Variants in ZNF219 observed in about 807,000 individuals in gnomAD.
ZNF219 encodes the protein zinc finger protein 219.
In ZNF219, 17 loss-of-function variants were observed where a neutral mutation model predicts 54.4. The observed-to-expected ratio is 0.31, with a 90% CI of 0.21 to 0.47. The LOEUF (loss-of-function observed/expected upper bound fraction) is 0.47. Among genes scored for constraint, ZNF219 ranks in the 20% least tolerant of loss-of-function variants. The pLI is 1.00. For synonymous variants in ZNF219, 518 were observed against 476.4 expected (o/e 1.09, Z -1.14); for missense variants, 1,014 against 1,062.3 (o/e 0.95, Z 0.63).
rs1360717345 is a variant in ZNF219 at position 21,090,384 on chromosome 14, T to TCCTA, written c.*148_*151dup. 6.4e-6 allele frequency: 7 copies of TCCTA among 1,086,410 alleles called. No individual in the cohort carries two copies. Among genetic ancestry groups the TCCTA allele is most frequent in the Non-Finnish European group, 9.2e-6 (7 of 762,866 alleles). 67.3% of individuals were successfully genotyped at this position (1,086,410 alleles called of 1,614,324 possible). On this transcript the variant is annotated 3_prime_UTR_variant, in exon 5 of 5. Coordinates refer to ENST00000360947, the MANE Select transcript of ZNF219 (RefSeq NM_016423.3). This position sits in a 1 kb window ranked among gnomAD's most constrained non-coding sequence, Gnocchi z 4.4. ...CTGGGTGGGTACCGCCAGCCCACCC[T>TCCTA]CCTACGCCCGCCGCGCCTTCCACCT... is the stretch of plus-strand genomic sequence containing the variant.
upstream of ZNF219, chr14:21,098,734 G>C: frequency 8.3e-7 from 1 of 1,208,406 alleles, no homozygotes. Flanking sequence ...GAGACTGGAA[G>C]AGATTTTGAA....
At position 21,090,419 on chromosome 14, in the gene ZNF219, C is replaced by T. The variant is rs1311869908; in HGVS notation, c.*117G>A. ...GCCGCGCCTTCCACCTCTGGTCCGCCTGGGGCTGGGATATGGGTCCCACGC... is the reference window on the plus strand; with the variant it reads ...GCCGCGCCTTCCACCTCTGGTCCGCTTGGGGCTGGGATATGGGTCCCACGC... On this transcript the variant is annotated 3_prime_UTR_variant, in exon 5 of 5. Transcript: ENST00000360947. This position sits in a 1 kb window ranked among gnomAD's most constrained non-coding sequence, Gnocchi z 4.4. The T allele has an allele frequency of 2.2e-6, 3 of 1,388,148 alleles. No individual in the cohort carries two copies. Among genetic ancestry groups the T allele is most frequent in the Middle Eastern group, 2.0e-4 (1 of 4,912 alleles). The allele number at this position is 1,388,148 out of a possible 1,614,324, so 86.0% of individuals were successfully genotyped here. A position where few individuals can be genotyped will look rare whatever the true frequency, so the allele number is the denominator to read the frequency against.
upstream of ZNF219, chr14:21,098,926 G>A (rs1889477673): frequency 1.8e-6 from 2 of 1,130,966 alleles, no homozygotes; most frequent in Non-Finnish European, 2.3e-6. Context: ...CTCTTTTGGG[G>A]GAGGAGGAGG....
At position 21,092,576 on chromosome 14, in the gene ZNF219, T is replaced by C. The variant is rs1889002092; in HGVS notation, c.721A>G (p.Arg241Gly). Residue 241 changes from arginine to glycine, a missense_variant, in exon 3 of 5, where the codon AGA becomes GGA. Arg to Gly is a moderately radical substitution (Grantham distance 125). Around this residue, in one of 5 missense-constraint regions of ZNF219, gnomAD observed 395 missense variants for 415.1 expected, o/e 0.95. Coordinates refer to ENST00000360947, the MANE Select transcript of ZNF219 (RefSeq NM_016423.3). ...TCCGGCTCCGGCTGGGGGACTGATC[T>C]GGGTTCGGGCTGGGGTGGAGGCTGA... ...QPQPPPQPEP[R>G]SVPQPEPEPE... is the part of the protein sequence containing the mutation. 6.5e-7 allele frequency: 1 copy of C among 1,546,628 alleles called. No homozygotes were observed. The highest frequency in any genetic ancestry group is 8.7e-7 in the Non-Finnish European group (1 of 1,146,498).
chr14:21,094,258 T>C (rs1889149165), intron 1 of ZNF219: 3 of 420,394 alleles, frequency 7.1e-6, no homozygotes, highest in Non-Finnish European at 1.4e-5. Flanking sequence ...CAGCAGAGTC[T>C]GAAGACAGAC....
Position 21,090,322 on chromosome 14 carries a change from A to G in ZNF219, c.*214T>C. 1.4e-6 allele frequency: 1 copy of G among 727,246 alleles called. No homozygotes were observed. The highest frequency in any genetic ancestry group is 2.4e-6 in the Non-Finnish European group (1 of 411,468). The allele number at this position is 727,246 out of a possible 1,614,324, so 45.0% of individuals were successfully genotyped here. On this transcript the variant is annotated 3_prime_UTR_variant, in exon 5 of 5. Transcript: ENST00000360947. The surrounding 1 kb of genome is among the most constrained non-coding windows in gnomAD (Gnocchi z 4.4). Reference sequence around the variant, plus strand: ...CCAGGGACCCCGTTCTTTGACCCTCACCTCTGCCACTTCTAAGGCACTGTG... The same window carrying G: ...CCAGGGACCCCGTTCTTTGACCCTCGCCTCTGCCACTTCTAAGGCACTGTG...
At chr14:21,099,348 T>G (rs1011390238), upstream of ZNF219, 2 of 152,342 alleles carry the variant, frequency 1.3e-5, no homozygotes, top group African/African-American at 4.8e-5. Context: ...GTTTCCCCAG[T>G]GGCCTGCAGG....
In ZNF219 at chr14:21,090,701, G is replaced by A; in HGVS notation, c.2004C>T (p.His668=). 1 of 1,611,142 alleles carries A rather than the reference G, an allele frequency of 6.2e-7. No individual in the cohort carries two copies. The highest frequency in any genetic ancestry group is 2.2e-5 in the East Asian group (1 of 44,816). The part of the protein sequence containing the change: ...PELMALHLQV[H]HSRRARGRRP... Reference sequence around the variant, plus strand: ...GGCGGCCCCTAGCCCGGCGGCTGTGGTGCACTTGAAGGTGCAAGGCCATGA... The same window carrying A: ...GGCGGCCCCTAGCCCGGCGGCTGTGATGCACTTGAAGGTGCAAGGCCATGA... The change falls in exon 5 of 5, where the codon CAC becomes CAT. Residue 668 remains histidine (H), a synonymous_variant. Transcript: ENST00000360947. This position sits in a 1 kb window ranked among gnomAD's most constrained non-coding sequence, Gnocchi z 4.4.
rs1388954327 is a variant in ZNF219 at position 21,091,119 on chromosome 14, G to A, written c.1586C>T (p.Pro529Leu). Residue 529 changes from proline to leucine, a missense_variant, in exon 5 of 5, where the codon CCG (proline) becomes CTG (leucine). By Grantham distance (98) the Pro-to-Leu change is moderately conservative. Transcript: ENST00000360947. The part of the protein sequence containing the change: ...VHTGERPYKC[P>L]HCDYAGTQSG... Reference sequence around the variant, plus strand: ...CTGGGTGCCCGCGTAGTCGCAGTGCGGACACTTGTAGGGCCGCTCGCCTGG... The same window carrying A: ...CTGGGTGCCCGCGTAGTCGCAGTGCAGACACTTGTAGGGCCGCTCGCCTGG... 6.3e-7 allele frequency: 1 copy of A among 1,592,124 alleles called. No homozygotes were observed. The highest frequency in any genetic ancestry group is 1.1e-5 in the South Asian group (1 of 89,234).
chr14:21,103,015 C>A (rs1889744252), upstream of ZNF219: 1 of 1,491,330 alleles, frequency 6.7e-7, no homozygotes, highest in South Asian at 1.2e-5. Context: ...TAGGAAGCTG[C>A]CTAAATATTG....
rs1175394864 is a variant in ZNF219, at chr14:21,092,189, C to T, written c.1108G>A (p.Ala370Thr). The change falls in exon 3 of 5, where the codon GCC becomes ACC. Residue 370 changes from alanine (A) to threonine (T), a missense_variant. By Grantham distance (58) the Ala-to-Thr change is moderately conservative. Coordinates refer to ENST00000360947, the MANE Select transcript of ZNF219 (RefSeq NM_016423.3). ...ALLLAPAPTP[A>T]ERREPPSLLG... ...AGGCTCGGGGGCTCACGGCGCTCGG[C>T]CGGGGTGGGAGCCGGGGCCAAGAGG... The T allele has an allele frequency of 1.4e-6, 2 of 1,438,316 alleles. No homozygotes were observed. The highest frequency in any genetic ancestry group is 1.8e-6 in the Non-Finnish European group (2 of 1,102,690). 89.1% of individuals were successfully genotyped at this position (1,438,316 alleles called of 1,614,324 possible).
At chr14:21,093,752 T>C in intron 1 of ZNF219, 78 bp from the exon 2 acceptor site, 9 of 1,337,866 alleles carry the variant, frequency 6.7e-6, no homozygotes, top group Non-Finnish European at 9.5e-6. Flanking sequence ...CCCCAGACTC[T>C]CAGCATTCTG....
Position 21,092,949 on chromosome 14 carries a change from A to G in ZNF219, c.348T>C (p.Ala116=), listed in dbSNP as rs766307281. ...CTTCCAACTCCAGCAACAGGCGTGC[A>G]GCAGGACTACGTGGGCGCTCGGGCT... ...THQPERPRSP[A]ARLLLELEER... is the part of the protein sequence containing the mutation. Residue 116 remains alanine, a synonymous_variant, in exon 3 of 5, where the codon GCT becomes GCC. Transcript: ENST00000360947. 2 of 1,581,584 alleles carry G rather than the reference A, an allele frequency of 1.3e-6. No individual in the cohort carries two copies. Among genetic ancestry groups the G allele is most frequent in the Non-Finnish European group, 1.7e-6 (2 of 1,165,512 alleles).
Position 21,093,119 on chromosome 14 carries a change from G to A in ZNF219, c.178C>T (p.Pro60Ser). Residue 60 changes from proline to serine, a missense_variant, in exon 3 of 5, where the codon CCT (proline) becomes TCT (serine). Transcript: ENST00000360947. The stretch of plus-strand genomic sequence containing the variant: ...AAGCGGAAGCGCTTCCCGCATACAG[G>A]GCAGGGGAAGCGCCGTTCGCCTGCA... ...SRAGERRFPCPVCGKRFRFNS... is the reference protein window; with the variant it reads ...SRAGERRFPCSVCGKRFRFNS... 1 of 1,610,164 alleles carries A rather than the reference G, an allele frequency of 6.2e-7. No individual in the cohort carries two copies. Among genetic ancestry groups the A allele is most frequent in the African/African-American group, 1.3e-5 (1 of 75,006 alleles).
upstream of ZNF219, chr14:21,102,308 G>T (rs1297675205): frequency 1.4e-6 from 2 of 1,469,002 alleles, no homozygotes; most frequent in South Asian, 1.3e-5. Flanking sequence ...AGGCTGAGAA[G>T]CAGAAGCTGA....
At position 21,098,320 on chromosome 14, in the gene ZNF219, GGCGGGCGGCGGCGGA is replaced by G. The variant is rs1032061063; in HGVS notation, c.-107_-93del. On this transcript the variant is annotated 5_prime_UTR_variant, in exon 1 of 5. Coordinates refer to ENST00000360947, the MANE Select transcript of ZNF219 (RefSeq NM_016423.3). ...GGGGAGCGGCTACTCACGAGCCCCG[GGCGGGCGGCGGCGGA>G]GCGGGCGGCGGCGGCGGCGGCGGCG... 1.6e-4 allele frequency: 29 copies of G among 183,352 alleles called. No individual in the cohort carries two copies. Among genetic ancestry groups the G allele is most frequent in the East Asian group, 1.2e-3 (6 of 5,048 alleles). The allele number at this position is 183,352 out of a possible 1,614,324, so 11.4% of individuals were successfully genotyped here.
At chr14:21,103,339 T>G, upstream of ZNF219, 1 of 1,482,784 alleles carries the variant, frequency 6.7e-7, no homozygotes, top group Non-Finnish European at 8.9e-7. Flanking sequence ...CAATAGGAAG[T>G]CCGGGAGTGC....
At position 21,090,944 on chromosome 14, in the gene ZNF219, C is replaced by A; in HGVS notation, c.1761G>T (p.Trp587Cys). The A allele has an allele frequency of 6.5e-7, 1 of 1,548,554 alleles. No individual in the cohort carries two copies. The highest frequency in any genetic ancestry group is 8.7e-7 in the Non-Finnish European group (1 of 1,152,322). ...GCCGGGGACTTGAGGCGCCCTCCAC[C>A]CAGGTCGCAGGCTGCGGAGACGGCT... ...GAKPSPQPAT[W>C]VEGASSPRPP... The change falls in exon 5 of 5, where the codon TGG becomes TGT. Residue 587 changes from tryptophan (W) to cysteine (C), a missense_variant. By Grantham distance (215) the Trp-to-Cys change is radical (BLOSUM62 -2). Coordinates refer to ENST00000360947, the MANE Select transcript of ZNF219 (RefSeq NM_016423.3). The surrounding 1 kb of genome is among the most constrained non-coding windows in gnomAD (Gnocchi z 4.4).
Position 21,091,987 on chromosome 14 carries a change from T to C in ZNF219, c.1310A>G (p.Glu437Gly). 6.4e-7 allele frequency: 1 copy of C among 1,563,104 alleles called. No homozygotes were observed. The highest frequency in any genetic ancestry group is 8.7e-7 in the Non-Finnish European group (1 of 1,154,208). ...EEEEEVVEAE[E>G]ETWARGRSLG... ...CGACCTGCCCCGGGCCCAGGTTTCC[T>C]CCTCGGCCTCCACCACCTCCTCTTC... Residue 437 changes from glutamate (E) to glycine (G), a missense_variant, in exon 3 of 5, where the codon GAG becomes GGG. By Grantham distance (98) the Glu-to-Gly change is moderately conservative. This residue lies in a region of ZNF219 where 272 missense variants were observed against 248.9 expected (regional missense o/e 1.09). Coordinates refer to ENST00000360947, the MANE Select transcript of ZNF219 (RefSeq NM_016423.3).
Sources: allele counts gnomAD v4.1 joint callset, GRCh38; gene constraint gnomAD v4.1.1; regional missense constraint gnomAD v4.1.1; non-coding constraint Gnocchi (gnomAD v3.1); transcripts MANE v1.5; gene names NCBI Gene and HGNC (gene_info 2026-07-23, HGNC 2026-07-21).